The following CSMD1 variants were observed in gnomAD, a reference collection of about 807,000 sequenced individuals.
The protein encoded by CSMD1 is CUB and Sushi multiple domains 1.
Under a neutral mutation model 417.5 loss-of-function variants are expected in CSMD1, and 213 were observed. The ratio of observed to expected loss-of-function variants is 0.51; its 90% confidence interval spans 0.46 to 0.57. The LOEUF (loss-of-function observed/expected upper bound fraction) is 0.57. Ranked by LOEUF, CSMD1 falls within the 20% of genes least tolerant of loss-of-function variation. CSMD1 has a pLI of 0.00. For missense variants in CSMD1, 6,923 were observed against 4,529.7 expected (o/e 1.53, Z -15.17); for synonymous variants, 2,862 against 1,736.8 (o/e 1.65, Z -16.11).
chr8:4,322,263 T>A (rs536763619), intron 3 of CSMD1, among the ~76,000 whole-genome samples: 1 of 152,224 alleles, frequency 6.6e-6, no homozygotes, highest in Non-Finnish European at 1.5e-5. Flanking sequence ...TTTAAAATAG[T>A]TTAAACATAA....
chr8:3,796,976 C>T (rs1344347220), intron 5 of CSMD1, among the ~76,000 whole-genome samples: 1 of 151,660 alleles, frequency 6.6e-6, no homozygotes, highest in Non-Finnish European at 1.5e-5. Flanking sequence ...TAATTCCCCA[C>T]AGCTAAAAAG....
chr8:4,118,578 A>C (rs1262357899), intron 3 of CSMD1, among the ~76,000 whole-genome samples: 1 of 152,206 alleles, frequency 6.6e-6, no homozygotes, highest in Middle Eastern at 3.2e-3. Flanking sequence ...GATCATGAAA[A>C]AGTAAGGAAA....
At chr8:3,681,218 A>G (rs58893119) in intron 7 of CSMD1, among the ~76,000 whole-genome samples, 21,988 of 152,162 alleles carry the variant, frequency 0.14, 1,796 homozygotes, top group South Asian at 0.21. Context: ...GAAATAAAGG[A>G]TATTCAATTA....
intron 1 of CSMD1, among the ~76,000 whole-genome samples, chr8:4,864,298 T>A (rs1360970221): frequency 6.6e-6 from 1 of 151,462 alleles, no homozygotes; most frequent in African/African-American, 2.4e-5. Flanking sequence ...CACACAAATT[T>A]AGAACTAAAA....
chr8:4,026,024 A>AT (rs1797047739), intron 4 of CSMD1, among the ~76,000 whole-genome samples: 1 of 151,842 alleles, frequency 6.6e-6, no homozygotes, highest in Non-Finnish European at 1.5e-5. Flanking sequence ...AAAAAAAAAA[A>AT]ACTCTTCAAC....
At chr8:4,892,356 A>T (rs942972777) in intron 1 of CSMD1, among the ~76,000 whole-genome samples, 3 of 152,096 alleles carry the variant, frequency 2.0e-5, no homozygotes, top group Admixed American at 1.3e-4. Context: ...CAGCAAGAAA[A>T]ATGGTGTGAA....
intron 1 of CSMD1, among the ~76,000 whole-genome samples, chr8:4,837,040 A>G (rs1181528538): frequency 1.3e-5 from 2 of 149,392 alleles, no homozygotes; most frequent in East Asian, 1.9e-4. Context: ...TGTTGTTGTT[A>G]AGAGACCACC....
At chr8:3,081,895 C>A (rs887415924) in intron 49 of CSMD1, among the ~76,000 whole-genome samples, 6 of 152,204 alleles carry the variant, frequency 3.9e-5, no homozygotes, top group African/African-American at 1.4e-4. Context: ...AGAGTCACTA[C>A]TGGGGACAGC....
At chr8:3,183,671 CCATCCCTGAAA>C (rs1219646150) in intron 36 of CSMD1, among the ~76,000 whole-genome samples, 1 of 152,232 alleles carries the variant, frequency 6.6e-6, no homozygotes, top group Admixed American at 6.5e-5. Context: ...CCTAATCTAT[CCATCCCTGAAA>C]CATCGAGTAG....
At chr8:4,454,206 G>T (rs1006937478) in intron 2 of CSMD1, among the ~76,000 whole-genome samples, 3 of 152,012 alleles carry the variant, frequency 2.0e-5, no homozygotes, top group African/African-American at 7.2e-5. Flanking sequence ...AAAACTCCGT[G>T]TCTCCTTATC....
At chr8:3,808,582 G>C (rs1290553238) in intron 5 of CSMD1, among the ~76,000 whole-genome samples, 1 of 152,136 alleles carries the variant, frequency 6.6e-6, no homozygotes, top group African/African-American at 2.4e-5. Flanking sequence ...CCTCATGTTT[G>C]AAAATAATTG....
At chr8:4,042,001 C>T (rs947583425) in intron 3 of CSMD1, among the ~76,000 whole-genome samples, 2 of 151,664 alleles carry the variant, frequency 1.3e-5, no homozygotes, top group Admixed American at 6.6e-5. Context: ...AAAAACAAAG[C>T]AAAACTAAGA....
At chr8:3,781,235 A>G (rs1023121702) in intron 5 of CSMD1, among the ~76,000 whole-genome samples, 1 of 152,172 alleles carries the variant, frequency 6.6e-6, no homozygotes, top group Non-Finnish European at 1.5e-5. Context: ...CACCTGTTCA[A>G]TTTTGTGAAT....
At chr8:3,015,492 TA>T (rs967367143) in intron 52 of CSMD1, among the ~76,000 whole-genome samples, 1 of 151,554 alleles carries the variant, frequency 6.6e-6, no homozygotes, top group Non-Finnish European at 1.5e-5. Context: ...GTTTTCAGAA[TA>T]TATATATATA....
At chr8:3,128,194 T>G (rs945653358) in intron 41 of CSMD1, 1 of 152,202 alleles carries the variant, frequency 6.6e-6, no homozygotes, top group Non-Finnish European at 1.5e-5. Context: ...ATAACTATTA[T>G]TCACATCAAG....
At chr8:4,673,584 G>C (rs1173457121) in intron 1 of CSMD1, among the ~76,000 whole-genome samples, 1 of 152,108 alleles carries the variant, frequency 6.6e-6, no homozygotes, top group Non-Finnish European at 1.5e-5. Context: ...TGTGCTTGGG[G>C]GAAACTCTGG....
In CSMD1 at chr8:3,385,258, T is replaced by C. The variant is rs1423824866; in HGVS notation, c.2782+2236A>G. 6.0e-5 allele frequency among the ~76,000 whole-genome samples: 9 copies of C among 149,250 alleles called. No homozygotes were observed. In the Admixed American group the frequency reaches 6.1e-4, roughly 10 times the overall value. On this transcript the variant is annotated intron_variant, in intron 18 of 69. Coordinates refer to ENST00000635120, the MANE Select transcript of CSMD1 (RefSeq NM_033225.6). The stretch of plus-strand genomic sequence containing the variant: ...CTATGAATGCATATGTATGTATACA[T>C]GTGTATGTATGAATATATATGTATG...
At chr8:4,214,845 T>C (rs553794676) in intron 3 of CSMD1, among the ~76,000 whole-genome samples, 2 of 152,304 alleles carry the variant, frequency 1.3e-5, no homozygotes, top group South Asian at 2.1e-4. Flanking sequence ...AAAAAAACTA[T>C]GACCACCAGG....
intron 5 of CSMD1, among the ~76,000 whole-genome samples, chr8:3,981,599 T>C (rs1213737299): frequency 6.6e-6 from 1 of 151,896 alleles, no homozygotes; most frequent in East Asian, 1.9e-4. Flanking sequence ...TTCCTTTAAA[T>C]TGTATCAATT....
Sources: allele counts gnomAD v4.1 joint callset (sites outside exome capture counted in the v4.1 genomes callset), GRCh38; gene constraint gnomAD v4.1.1; transcripts MANE v1.5; gene names NCBI Gene and HGNC (gene_info 2026-07-23, HGNC 2026-07-21).